Variants in XPO1 observed in about 807,000 individuals in gnomAD.
XPO1 encodes exportin 1.
A neutral mutation model predicts 133.3 loss-of-function variants in XPO1; 5 were observed. The ratio of observed to expected loss-of-function variants is 0.04; its 90% CI spans 0.02 to 0.08. The LOEUF is 0.08. XPO1 is among the 10% of genes least tolerant of loss of function. The pLI is 1.00. For missense variants in XPO1, 506 were observed against 1,267.5 expected, an observed-to-expected ratio of 0.40 and a Z score of 9.12; for synonymous variants, 419 against 408.2, an observed-to-expected ratio of 1.03 and a Z score of -0.32.
intron 4 of XPO1, among the ~76,000 whole-genome samples, chr2:61,507,864 C>T (rs767125671): frequency 5.9e-5 from 9 of 152,140 alleles, no homozygotes; most frequent in Non-Finnish European, 8.8e-5. Flanking sequence ...TGCCACTGCA[C>T]TCCAGCCTGA....
rs764849076 is a variant in XPO1 at position 61,533,724 on chromosome 2, C to G, written c.126+48G>C. On this transcript the variant is annotated intron_variant, in intron 2 of 24. Transcript: ENST00000401558. The stretch of plus-strand genomic sequence containing the variant: ...TAAAATTTTATTCTAAACCCAACAA[C>G]TCTGTTACACTGTCATAATGTTATA... 4 of 1,415,078 alleles carry G rather than the reference C, an allele frequency of 2.8e-6. No individual in the cohort carries two copies. The South Asian group carries it at 7.1e-5, about 25-fold the overall frequency. 87.7% of individuals were successfully genotyped at this position (1,415,078 alleles called of 1,614,324 possible). A position where few individuals can be genotyped will look rare whatever the true frequency, so the allele number is the denominator to read the frequency against.
chr2:61,521,271 T>C (rs919798560), intron 4 of XPO1, among the ~76,000 whole-genome samples: 1 of 152,192 alleles, frequency 6.6e-6, no homozygotes, highest in South Asian at 2.1e-4. Context: ...TAAGTCAGAT[T>C]AGCTAAGTAA....
intron 2 of XPO1, among the ~76,000 whole-genome samples, chr2:61,529,899 A>T (rs1206120180): frequency 3.3e-5 from 5 of 152,322 alleles, no homozygotes; most frequent in African/African-American, 9.6e-5. Context: ...TTCCATTGTG[A>T]GTCTGTGGTT....
chr2:61,492,218 C>A lies in XPO1; in HGVS notation c.1724-20G>T. 6.2e-7 allele frequency: 1 copy of A among 1,612,054 alleles called. No homozygotes were observed. Among genetic ancestry groups the A allele is most frequent in the Non-Finnish European group, 8.5e-7 (1 of 1,178,980 alleles). ...GGGTCTCTAACAAGACAAAAATATT[C>A]ATTTATTTTGTCCTGGACTCCATCA... On this transcript the variant is annotated intron_variant, in intron 15 of 24. Transcript: ENST00000401558. The surrounding 1 kb of genome is among the most constrained non-coding windows in gnomAD (Gnocchi z 5.6).
chr2:61,499,654 A>T, intron 7 of XPO1, 59 bp downstream of exon 7: 1 of 1,453,446 alleles, frequency 6.9e-7, no homozygotes, highest in Non-Finnish European at 9.2e-7. Flanking sequence ...TTTACATCCA[A>T]ACTGCTTGAA....
rs375145036 is a variant in XPO1 at position 61,502,023 on chromosome 2, G to A, written c.381C>T (p.Ile127=). 1.2e-5 allele frequency: 19 copies of A among 1,601,270 alleles called. No homozygotes were observed. Among genetic ancestry groups the A allele is most frequent in the Admixed American group, 1.7e-5 (1 of 58,320 alleles). ...PTCVEKEKVY[I]GKLNMILVQI... ...GAACAAGGATCATATTTAATTTTCC[G>A]ATATACACCTTTTCTTTCTAAGGAA... Residue 127 remains isoleucine, a synonymous_variant, in exon 6 of 25, where the codon ATC becomes ATT. Coordinates refer to ENST00000401558, the MANE Select transcript of XPO1 (RefSeq NM_003400.4).
In XPO1 at chr2:61,488,152, A is replaced by ATC; in HGVS notation, c.2313+11_2313+12dup. On this transcript the variant is annotated intron_variant, in intron 19 of 24. Coordinates refer to ENST00000401558, the MANE Select transcript of XPO1 (RefSeq NM_003400.4). ...CAACACTAGAAATCAAAAGCAAAGC[A>ATC]TCTCTCACTTACCATCTGTGGATCA... is the stretch of plus-strand genomic sequence containing the variant. 6.2e-7 allele frequency: 1 copy of ATC among 1,608,970 alleles called. No homozygotes were observed. Among genetic ancestry groups the ATC allele is most frequent in the Non-Finnish European group, 8.5e-7 (1 of 1,175,430 alleles).
At chr2:61,521,888 T>C (rs1327325696) in intron 4 of XPO1, among the ~76,000 whole-genome samples, 2 of 150,940 alleles carry the variant, frequency 1.3e-5, no homozygotes, top group Non-Finnish European at 3.0e-5. Context: ...CTGATACCCC[T>C]GTCCCCGCCG....
chr2:61,498,931 C>G lies in XPO1; in HGVS notation c.591-18G>C, dbSNP rs766085283. On this transcript the variant is annotated intron_variant, in intron 7 of 24. Coordinates refer to ENST00000401558, the MANE Select transcript of XPO1 (RefSeq NM_003400.4). ...TGCACATGCTAAAAAAAAAAACACA[C>G]AAAAATATCAGATTTAGAAGACACA... The G allele has an allele frequency of 6.4e-7, 1 of 1,554,938 alleles. No homozygotes were observed. Among genetic ancestry groups the G allele is most frequent in the Non-Finnish European group, 8.7e-7 (1 of 1,153,292 alleles).
chr2:61,495,845 A>G (rs1439299476), intron 10 of XPO1, among the ~76,000 whole-genome samples: 1 of 151,852 alleles, frequency 6.6e-6, no homozygotes, highest in East Asian at 1.9e-4. Flanking sequence ...TATTTTTAAC[A>G]TTTTTGTAGA....
At chr2:61,511,920 C>A (rs1043790916) in intron 4 of XPO1, among the ~76,000 whole-genome samples, 5 of 152,020 alleles carry the variant, frequency 3.3e-5, no homozygotes, top group African/African-American at 1.2e-4. Context: ...GCACACGCCA[C>A]CATGCCCGGC....
chr2:61,512,116 A>G (rs2104628954), intron 4 of XPO1, among the ~76,000 whole-genome samples: 1 of 152,310 alleles, frequency 6.6e-6, no homozygotes, highest in East Asian at 1.9e-4. Context: ...ATACTGACAA[A>G]AAACGATTTG....
intron 3 of XPO1, chr2:61,526,145 C>A: frequency 8.5e-7 from 1 of 1,170,512 alleles, no homozygotes; most frequent in Non-Finnish European, 1.1e-6. Context: ...AGAATTTATG[C>A]TACTTAGACC....
chr2:61,497,097 C>T (rs549550178), intron 9 of XPO1, 90 bp from the exon 10 acceptor site: 1 of 1,472,298 alleles, frequency 6.8e-7, no homozygotes. Flanking sequence ...AAGGCTTTAA[C>T]AATTAAATAT....
At chr2:61,508,340 G>A in intron 4 of XPO1, among the ~76,000 whole-genome samples, 1 of 152,148 alleles carries the variant, frequency 6.6e-6, no homozygotes, top group Non-Finnish European at 1.5e-5. Flanking sequence ...CTTACTGAAA[G>A]GCAGCTTATG....
intron 4 of XPO1, among the ~76,000 whole-genome samples, chr2:61,502,956 G>GTTTCT (rs1317171876): frequency 9.3e-6 from 1 of 107,304 alleles, no homozygotes; most frequent in African/African-American, 4.1e-5. Flanking sequence ...GGTTCCATGT[G>GTTTCT]TTTCTTTTCT....
At chr2:61,484,312 C>G (rs1696562008) in intron 20 of XPO1, 1 of 489,594 alleles carries the variant, frequency 2.0e-6, no homozygotes, top group South Asian at 2.8e-5. Flanking sequence ...CATGAGTTAT[C>G]AAATTGAAGG....
intron 2 of XPO1, among the ~76,000 whole-genome samples, chr2:61,527,043 A>C (rs1320710284): frequency 2.6e-5 from 4 of 152,162 alleles, no homozygotes; most frequent in Non-Finnish European, 5.9e-5. Flanking sequence ...TATTTTACTT[A>C]TTTGAAACAG....
At chr2:61,495,397 T>C (rs939076297) in intron 11 of XPO1, 58 bp downstream of exon 11, 89 of 1,414,142 alleles carry the variant, frequency 6.3e-5, no homozygotes, top group Non-Finnish European at 8.0e-5. Context: ...AAAGGCACTT[T>C]TAAGAGTTAT....
Sources: allele counts gnomAD v4.1 joint callset (sites outside exome capture counted in the v4.1 genomes callset), GRCh38; gene constraint gnomAD v4.1.1; non-coding constraint Gnocchi (gnomAD v3.1); transcripts MANE v1.5; gene names NCBI Gene and HGNC (gene_info 2026-07-23, HGNC 2026-07-21).